Variants in UBE3A observed in about 807,000 individuals in gnomAD.
The protein encoded by UBE3A is ubiquitin protein ligase E3A, also known as ubiquitin-protein ligase E3A.
Under a neutral mutation model 83.4 loss-of-function variants are expected in UBE3A, and 6 were observed. The ratio of observed to expected loss-of-function variants is 0.07; its 90% CI spans 0.04 to 0.14. UBE3A has a LOEUF of 0.14. UBE3A is among the 10% of genes least tolerant of loss of function. The pLI, the probability that UBE3A is intolerant of heterozygous loss-of-function variation, is 1.00. For missense variants in UBE3A, 456 were observed against 1,036.1 expected, an observed-to-expected ratio of 0.44 and a Z score of 7.69; for synonymous variants, 337 against 355.4, an observed-to-expected ratio of 0.95 and a Z score of 0.58.
intron 11 of UBE3A, chr15:25,345,719 CTG>C (rs993152777): frequency 4.6e-5 from 7 of 151,824 alleles, no homozygotes; most frequent in African/African-American, 1.7e-4. Context: ...AACATGAAAA[CTG>C]TAAACAAATT....
chr15:25,432,354 G>A (rs1326150811), intron 1 of UBE3A, among the ~76,000 whole-genome samples: 4 of 152,124 alleles, frequency 2.6e-5, no homozygotes, highest in African/African-American at 9.7e-5. Context: ...AGTACACAAA[G>A]GCAATTCTAA....
At chr15:25,381,583 T>C (rs1428624141) in intron 4 of UBE3A, among the ~76,000 whole-genome samples, 1 of 152,118 alleles carries the variant, frequency 6.6e-6, no homozygotes, top group Admixed American at 6.5e-5. Flanking sequence ...ATGTGAGGAA[T>C]CTAAAAAACA....
chr15:25,398,261 G>A (rs562080268), intron 4 of UBE3A, among the ~76,000 whole-genome samples: 2 of 151,340 alleles, frequency 1.3e-5, no homozygotes, highest in South Asian at 4.2e-4. Context: ...TATACACTGT[G>A]GAATGGCTAG....
chr15:25,416,902 A>T (rs1887157292), intron 1 of UBE3A, among the ~76,000 whole-genome samples: 1 of 152,106 alleles, frequency 6.6e-6, no homozygotes, highest in Non-Finnish European at 1.5e-5. Context: ...TGGAGGGGAA[A>T]TCCAGTGAGA....
At chr15:25,355,269 G>A (rs1250567446) in intron 9 of UBE3A, among the ~76,000 whole-genome samples, 2 of 152,104 alleles carry the variant, frequency 1.3e-5, no homozygotes, top group African/African-American at 4.8e-5. Context: ...AAATGTGGAA[G>A]TACTGACTGA....
intron 4 of UBE3A, among the ~76,000 whole-genome samples, chr15:25,391,437 TACC>T (rs974300674): frequency 3.9e-5 from 6 of 152,254 alleles, no homozygotes; most frequent in Non-Finnish European, 8.8e-5. Flanking sequence ...TGTGCACAGT[TACC>T]ACAATTGTAC....
At chr15:25,403,159 G>T (rs2087594437) in intron 4 of UBE3A, among the ~76,000 whole-genome samples, 1 of 152,038 alleles carries the variant, frequency 6.6e-6, no homozygotes, top group African/African-American at 2.4e-5. Flanking sequence ...ATGTGATAAA[G>T]TCTTTAATCT....
intron 4 of UBE3A, among the ~76,000 whole-genome samples, chr15:25,394,526 G>A (rs920112418): frequency 2.0e-5 from 3 of 152,140 alleles, no homozygotes; most frequent in Non-Finnish European, 4.4e-5. Context: ...AGATGTGTAA[G>A]TACACCGAAG....
chr15:25,411,615 G>A (rs1567123845), intron 2 of UBE3A, among the ~76,000 whole-genome samples: 6 of 151,688 alleles, frequency 4.0e-5, no homozygotes, highest in Admixed American at 1.3e-4. Context: ...AGCAGCAGCA[G>A]CAACAACAAC....
intron 6 of UBE3A, among the ~76,000 whole-genome samples, chr15:25,369,039 C>T (rs879381399): frequency 9.9e-5 from 15 of 152,110 alleles, no homozygotes; most frequent in Admixed American, 3.3e-4. Context: ...TGCAGTTCTG[C>T]TCCAACAATG....
Position 25,338,126 on chromosome 15 carries a change from C to G in UBE3A, c.*1011G>C, listed in dbSNP as rs770298404. ...CTGATTCAACAAGATGATGGCAACA[C>G]GAAGGGGAGACTTTGGATTGTCTAT... On this transcript the variant is annotated 3_prime_UTR_variant, in exon 13 of 13. Coordinates refer to ENST00000648336, the MANE Select transcript of UBE3A (RefSeq NM_130839.5). 6.6e-6 allele frequency: 1 copy of G among 151,928 alleles called. No individual in the cohort carries two copies. Among genetic ancestry groups the G allele is most frequent in the East Asian group, 1.9e-4 (1 of 5,186 alleles). The allele number at this position is 151,928 out of a possible 1,614,324, so 9.4% of individuals were successfully genotyped here.
rs2073903557 is a variant in UBE3A, at chr15:25,335,187, G to A, written c.*3950C>T. The A allele has an allele frequency of 6.6e-6, 1 of 152,172 alleles. No individual in the cohort carries two copies. Among genetic ancestry groups the A allele is most frequent in the Non-Finnish European group, 1.5e-5 (1 of 68,042 alleles). 9.4% of individuals were successfully genotyped at this position (152,172 alleles called of 1,614,324 possible). On this transcript the variant is annotated 3_prime_UTR_variant, in exon 13 of 13. Coordinates refer to ENST00000648336, the MANE Select transcript of UBE3A (RefSeq NM_130839.5). ...ACTAAGAAATGTACCCCATTATGCT[G>A]TGCTACCACGGAAGCATTGGAGGCA... is the stretch of plus-strand genomic sequence containing the variant.
chr15:25,381,918 C>T (rs559270126), intron 4 of UBE3A, among the ~76,000 whole-genome samples: 7 of 152,068 alleles, frequency 4.6e-5, no homozygotes, highest in East Asian at 1.9e-4. Flanking sequence ...TACCATGAAC[C>T]GAACAAAAAC....
rs553390144 is a variant in UBE3A, at chr15:25,363,797, A to T, written c.1609-3270T>A. Among the ~76,000 whole-genome samples the T allele has an allele frequency of 2.0e-5, 3 of 152,290 alleles. No homozygotes were observed. In the East Asian group the frequency reaches 5.8e-4, roughly 29 times the overall value. ...TAAATATGTAAAAAGAATAATTTGA[A>T]AAGTAGTTGGTAACTGAATTCTGTA... On this transcript the variant is annotated intron_variant, in intron 6 of 12. Transcript: ENST00000648336.
At chr15:25,342,432 T>C (rs939154900) in intron 11 of UBE3A, among the ~76,000 whole-genome samples, 5 of 151,718 alleles carry the variant, frequency 3.3e-5, no homozygotes, top group Admixed American at 1.3e-4. Context: ...AAAAATTTTA[T>C]ACAATGAAAA....
chr15:25,427,298 AAAAG>A (rs1161937400), intron 1 of UBE3A, among the ~76,000 whole-genome samples: 1 of 152,044 alleles, frequency 6.6e-6, no homozygotes, highest in East Asian at 1.9e-4. Flanking sequence ...AATGAGTGCA[AAAAG>A]AAAGACTCTC....
intron 11 of UBE3A, among the ~76,000 whole-genome samples, chr15:25,341,263 G>A (rs1028613860): frequency 6.6e-6 from 1 of 151,354 alleles, no homozygotes; most frequent in Non-Finnish European, 1.5e-5. Context: ...GTAGAGGCAG[G>A]ATTTCACCAT....
chr15:25,424,067 A>G (rs929807797), intron 1 of UBE3A, among the ~76,000 whole-genome samples: 7 of 152,084 alleles, frequency 4.6e-5, no homozygotes, highest in Middle Eastern at 3.2e-3. Flanking sequence ...TGCTAAACAT[A>G]AGTCATACTT....
chr15:25,356,177 A>ATCCCTC, intron 8 of UBE3A, 121 bp from the exon 9 acceptor site: 1 of 1,231,868 alleles, frequency 8.1e-7, no homozygotes, highest in Non-Finnish European at 1.2e-6. Context: ...AAAAGTGTAG[A>ATCCCTC]CAGTATCCCT....
Sources: gnomAD v4.1 joint callset for allele counts (sites outside exome capture counted in the v4.1 genomes callset) on GRCh38, gnomAD v4.1.1 for gene constraint, MANE v1.5 for transcripts, NCBI Gene and HGNC (gene_info 2026-07-23, HGNC 2026-07-21) for gene names.